TANGO6: variants seen among roughly 807,000 people sequenced by gnomAD.
The protein encoded by TANGO6 is transport and Golgi organization protein 6 homolog.
Under a neutral mutation model 114.2 loss-of-function variants are expected in TANGO6, and 90 were observed. That is an observed-to-expected ratio of 0.79 (90% confidence interval 0.66 to 0.94). TANGO6 has a LOEUF of 0.94. TANGO6 is among the 40% of genes least tolerant of loss of function. TANGO6 has a pLI of 0.00. For synonymous variants in TANGO6, 477 were observed against 509.8 expected (o/e 0.94, Z 0.87); for missense variants, 1,274 against 1,315.3 (o/e 0.97, Z 0.49).
chr16:69,058,160 G>C (rs996699885), intron 17 of TANGO6, among the ~76,000 whole-genome samples: 2 of 152,158 alleles, frequency 1.3e-5, no homozygotes, highest in Non-Finnish European at 2.9e-5. Context: ...AAAGGGAGGA[G>C]TTCTGACTAA....
chr16:68,911,504 C>T (rs1366985922), intron 11 of TANGO6, among the ~76,000 whole-genome samples: 1 of 150,294 alleles, frequency 6.7e-6, no homozygotes, highest in Non-Finnish European at 1.5e-5. Flanking sequence ...GCAACCTCCA[C>T]CTCCCGGGTT....
intron 4 of TANGO6, chr16:68,867,482 A>T: frequency 2.8e-6 from 1 of 362,966 alleles, no homozygotes; most frequent in African/African-American, 2.1e-5. Context: ...CAAATAATTT[A>T]TACTATCTGG....
chr16:68,942,057 C>T (rs1963360012), intron 14 of TANGO6, among the ~76,000 whole-genome samples: 1 of 151,780 alleles, frequency 6.6e-6, no homozygotes, highest in African/African-American at 2.4e-5. Flanking sequence ...GAGCCAGGCA[C>T]GGTGGCTCAC....
intron 15 of TANGO6, among the ~76,000 whole-genome samples, chr16:68,980,409 C>CTCTCTCTCTCTA (rs1408626276): frequency 3.5e-4 from 24 of 67,982 alleles, no homozygotes; most frequent in African/African-American, 7.9e-4. Flanking sequence ...CTCTCTCTCT[C>CTCTCTCTCTCTA]TATATATATA....
intron 13 of TANGO6, among the ~76,000 whole-genome samples, chr16:68,928,543 AC>A (rs1306016696): frequency 1.4e-4 from 22 of 151,996 alleles, no homozygotes; most frequent in African/African-American, 5.1e-4. Context: ...CTCGTGATCC[AC>A]CTGCCTCGGC....
chr16:68,933,937 G>A (rs952152781), intron 14 of TANGO6: 1 of 152,170 alleles, frequency 6.6e-6, no homozygotes, highest in African/African-American at 2.4e-5. Context: ...TTCTTTCAGG[G>A]TTTAATGTGG....
At chr16:69,009,082 T>C (rs1021745034) in intron 15 of TANGO6, among the ~76,000 whole-genome samples, 3 of 139,394 alleles carry the variant, frequency 2.2e-5, no homozygotes, top group South Asian at 2.4e-4. Flanking sequence ...CTTTTTTTTT[T>C]TTTTTTTTTT....
intron 7 of TANGO6, among the ~76,000 whole-genome samples, chr16:68,883,153 C>T (rs1203421992): frequency 6.6e-6 from 1 of 152,132 alleles, no homozygotes; most frequent in Non-Finnish European, 1.5e-5. Context: ...GCTGAGATCA[C>T]ATCACTGCAT....
intron 17 of TANGO6, among the ~76,000 whole-genome samples, chr16:69,075,955 G>A (rs963026908): frequency 1.3e-5 from 2 of 151,366 alleles, no homozygotes; most frequent in African/African-American, 4.9e-5. Flanking sequence ...AGTAGAGACG[G>A]GGTTTCACCA....
chr16:68,923,800 ATTTGT>A (rs145246572), intron 12 of TANGO6, among the ~76,000 whole-genome samples: 29,118 of 150,848 alleles, frequency 0.19, 3,334 homozygotes, highest in Non-Finnish European at 0.26. Context: ...AGGAGGCATG[ATTTGT>A]TTTGTTTTGT....
intron 14 of TANGO6, chr16:68,937,344 C>A (rs1029104173): frequency 5.3e-5 from 8 of 152,186 alleles, no homozygotes; most frequent in African/African-American, 1.4e-4. Flanking sequence ...TCAGTAAATT[C>A]TCTAAGTAGT....
intron 16 of TANGO6, chr16:69,026,508 C>T (rs1959504988): frequency 1.1e-5 from 2 of 175,194 alleles, no homozygotes; most frequent in South Asian, 2.9e-4. Flanking sequence ...ATTGTGTCAT[C>T]ATAGGCACTG....
At chr16:68,884,600 T>C (rs1241114921) in intron 7 of TANGO6, among the ~76,000 whole-genome samples, 1 of 152,146 alleles carries the variant, frequency 6.6e-6, no homozygotes, top group Non-Finnish European at 1.5e-5. Context: ...GGGTTTGGAA[T>C]GTTGGAAAGA....
chr16:69,067,537 A>AAAG (rs1960233882), intron 17 of TANGO6, among the ~76,000 whole-genome samples: 1 of 148,190 alleles, frequency 6.7e-6, no homozygotes. Flanking sequence ...AAAAAAAAAA[A>AAAG]CGCTGGGCGC....
At chr16:69,056,997 C>CTTTTTTTTTTTTTT (rs71148961) in intron 17 of TANGO6, among the ~76,000 whole-genome samples, 1 of 59,860 alleles carries the variant, frequency 1.7e-5, no homozygotes, top group Non-Finnish European at 3.1e-5. Flanking sequence ...GCCTGATTTT[C>CTTTTTTTTTTTTTT]TTTTTTTTTT....
At chr16:69,081,389 T>G (rs989754505) in intron 17 of TANGO6, among the ~76,000 whole-genome samples, 2 of 152,028 alleles carry the variant, frequency 1.3e-5, no homozygotes, top group African/African-American at 4.8e-5. Context: ...TTAATTTTAT[T>G]TTTTGAGGTG....
At chr16:68,896,043 C>T (rs985601909) in intron 7 of TANGO6, among the ~76,000 whole-genome samples, 1 of 152,018 alleles carries the variant, frequency 6.6e-6, no homozygotes, top group African/African-American at 2.4e-5. Flanking sequence ...CACTCTGTCA[C>T]CCAGGCTGGA....
intron 14 of TANGO6, chr16:68,973,063 A>G: frequency 2.2e-6 from 1 of 453,534 alleles, no homozygotes; most frequent in Non-Finnish European, 4.4e-6. Flanking sequence ...AAGGGAAACC[A>G]CTGAGGGGTC....
intron 11 of TANGO6, among the ~76,000 whole-genome samples, chr16:68,914,684 A>G (rs1387504378): frequency 1.3e-5 from 2 of 152,276 alleles, no homozygotes; most frequent in East Asian, 3.9e-4. Flanking sequence ...AAATTTTAGA[A>G]CAGGCTTCAG....
Sources: gnomAD v4.1 joint callset for allele counts (sites outside exome capture counted in the v4.1 genomes callset) on GRCh38, gnomAD v4.1.1 for gene constraint, MANE v1.5 for transcripts, NCBI Gene and HGNC (gene_info 2026-07-23, HGNC 2026-07-21) for gene names.